The following SFRP1 variants were observed in gnomAD, a reference collection of about 807,000 sequenced individuals.
SFRP1 encodes secreted frizzled related protein 1.
A neutral mutation model predicts 25.9 loss-of-function variants in SFRP1; 9 were observed. The observed-to-expected ratio is 0.35, with a 90% CI of 0.21 to 0.61. SFRP1 has a LOEUF of 0.61. SFRP1 is among the 20% of genes least tolerant of loss of function. The pLI, the probability that SFRP1 is intolerant of heterozygous loss-of-function variation, is 0.78. For missense variants in SFRP1, 346 were observed against 418.2 expected (o/e 0.83, Z 1.51); for synonymous variants, 178 against 174.0 (o/e 1.02, Z -0.18).
intron 2 of SFRP1, among the ~76,000 whole-genome samples, chr8:41,294,188 G>C (rs1803812412): frequency 6.6e-6 from 1 of 152,150 alleles, no homozygotes; most frequent in Non-Finnish European, 1.5e-5. Context: ...CCACAGGAGG[G>C]AATGCGCTCT....
intron 2 of SFRP1, among the ~76,000 whole-genome samples, chr8:41,290,434 T>C (rs1336180642): frequency 6.6e-6 from 1 of 152,216 alleles, no homozygotes; most frequent in Non-Finnish European, 1.5e-5. Flanking sequence ...CTGCTGCCCC[T>C]GGTCAATAAC....
chr8:41,301,870 G>GC (rs1169440260), intron 2 of SFRP1, among the ~76,000 whole-genome samples: 1 of 152,186 alleles, frequency 6.6e-6, no homozygotes, highest in East Asian at 1.9e-4. Context: ...GGCTGATTTG[G>GC]CAGGTGCCTG....
chr8:41,280,174 T>C (rs745383715), intron 2 of SFRP1, among the ~76,000 whole-genome samples: 70 of 152,288 alleles, frequency 4.6e-4, no homozygotes, highest in African/African-American at 1.6e-3. Context: ...ACGGAGCTCA[T>C]ACAGTTTTCC....
intron 2 of SFRP1, among the ~76,000 whole-genome samples, chr8:41,289,789 C>T (rs1417704579): frequency 6.6e-6 from 1 of 152,230 alleles, no homozygotes; most frequent in Non-Finnish European, 1.5e-5. Flanking sequence ...CCCAAACTTA[C>T]AAAGATGGCA....
chr8:41,289,124 A>G (rs555682123), intron 2 of SFRP1, among the ~76,000 whole-genome samples: 2 of 152,252 alleles, frequency 1.3e-5, no homozygotes, highest in East Asian at 1.9e-4. Flanking sequence ...TCTCTTCCCC[A>G]TGCACCCAAG....
intron 2 of SFRP1, among the ~76,000 whole-genome samples, chr8:41,284,344 T>G (rs1803671540): frequency 1.3e-5 from 2 of 151,514 alleles, no homozygotes; most frequent in Non-Finnish European, 3.0e-5. Flanking sequence ...CCGGCCAACA[T>G]TGCTGGAGGG....
At chr8:41,272,465 C>G (rs993518379) in intron 2 of SFRP1, among the ~76,000 whole-genome samples, 1 of 152,136 alleles carries the variant, frequency 6.6e-6, no homozygotes, top group African/African-American at 2.4e-5. Flanking sequence ...CAAAAATTAG[C>G]CTGTGTGGTG....
At chr8:41,289,274 A>C (rs1803746558) in intron 2 of SFRP1, among the ~76,000 whole-genome samples, 1 of 152,216 alleles carries the variant, frequency 6.6e-6, no homozygotes, top group Non-Finnish European at 1.5e-5. Context: ...CTCACAGATC[A>C]CCTATGGTGA....
In SFRP1 at chr8:41,264,317, T is replaced by C. The variant is rs1803408424; in HGVS notation, c.*850A>G. On this transcript the variant is annotated 3_prime_UTR_variant, in exon 3 of 3. Transcript: ENST00000220772. ...TTGCTGGACTGTTCTAAAATTTTTT[T>C]CATTTGTTTCTTTTTTAACTATGTG... 6.6e-6 allele frequency: 1 copy of C among 152,240 alleles called. No homozygotes were observed. Among genetic ancestry groups the C allele is most frequent in the Admixed American group, 6.5e-5 (1 of 15,286 alleles). 9.4% of individuals were successfully genotyped at this position (152,240 alleles called of 1,614,324 possible).
At chr8:41,305,324 G>A (rs964489028) in intron 1 of SFRP1, among the ~76,000 whole-genome samples, 2 of 152,188 alleles carry the variant, frequency 1.3e-5, no homozygotes, top group Non-Finnish European at 2.9e-5. Flanking sequence ...CTTGAAGTTC[G>A]CCTGAACCAA....
At chr8:41,292,119 CTCAGGTGTGCAGG>C (rs1387971025) in intron 2 of SFRP1, among the ~76,000 whole-genome samples, 3 of 152,242 alleles carry the variant, frequency 2.0e-5, no homozygotes, top group African/African-American at 7.2e-5. Context: ...CACTCCTGGA[CTCAGGTGTGCAGG>C]TAAGAGCTAT....
intron 2 of SFRP1, among the ~76,000 whole-genome samples, chr8:41,281,207 C>A (rs1585510817): frequency 6.6e-6 from 1 of 152,210 alleles, no homozygotes; most frequent in Non-Finnish European, 1.5e-5. Flanking sequence ...CTCTCCTGCA[C>A]CTCCTCCCCA....
chr8:41,299,419 C>T (rs1469969080), intron 2 of SFRP1, among the ~76,000 whole-genome samples: 2 of 148,952 alleles, frequency 1.3e-5, no homozygotes, highest in African/African-American at 5.0e-5. Flanking sequence ...TGCTCAGTCA[C>T]CCAAAACAGG....
intron 2 of SFRP1, among the ~76,000 whole-genome samples, chr8:41,296,504 T>C (rs1031522145): frequency 1.4e-5 from 2 of 138,374 alleles, no homozygotes; most frequent in Non-Finnish European, 3.0e-5. Flanking sequence ...TTTGTTCTTC[T>C]GGAAAAAAAA....
chr8:41,279,881 C>G (rs1178839042), intron 2 of SFRP1, among the ~76,000 whole-genome samples: 1 of 152,152 alleles, frequency 6.6e-6, no homozygotes, highest in Non-Finnish European at 1.5e-5. Flanking sequence ...ATAGTGTCAA[C>G]AAGCACAGTT....
chr8:41,265,004 T>C lies in SFRP1; in HGVS notation c.*163A>G. 3.3e-6 allele frequency: 2 copies of C among 608,172 alleles called. No individual in the cohort carries two copies. Among genetic ancestry groups the C allele is most frequent in the East Asian group, 2.8e-5 (1 of 36,038 alleles). 37.7% of individuals were successfully genotyped at this position (608,172 alleles called of 1,614,324 possible). On this transcript the variant is annotated 3_prime_UTR_variant, in exon 3 of 3. Transcript: ENST00000220772. ...TACCCTGGGGTTTGGAGCGTGGCTA[T>C]GGAGGGAAGGGAGCGGGAATGCTGC...
At position 41,309,274 on chromosome 8, in the gene SFRP1, T is replaced by C. The variant is rs1585525712; in HGVS notation, c.-115A>G. 2 of 1,161,560 alleles carry C rather than the reference T, an allele frequency of 1.7e-6. No homozygotes were observed. The highest frequency in any genetic ancestry group is 2.1e-6 in the Non-Finnish European group (2 of 931,042). The allele number at this position is 1,161,560 out of a possible 1,614,324, so 72.0% of individuals were successfully genotyped here. On this transcript the variant is annotated 5_prime_UTR_variant, in exon 1 of 3. Coordinates refer to ENST00000220772, the MANE Select transcript of SFRP1 (RefSeq NM_003012.5). ...GGGACAAAAGGCGCAGTCCCCAGCG[T>C]TGCCCGGCTCCGCGGCCGCAAGCTG...
chr8:41,302,828 G>A (rs1803941691), intron 2 of SFRP1, among the ~76,000 whole-genome samples: 1 of 151,464 alleles, frequency 6.6e-6, no homozygotes, highest in South Asian at 2.1e-4. Flanking sequence ...TCCTGGAGCT[G>A]CGAGTGCTGG....
chr8:41,309,079 G>C lies in SFRP1; in HGVS notation c.81C>G (p.Ala27=), dbSNP rs377704361. The C allele has an allele frequency of 2.3e-5, 36 of 1,594,196 alleles. No homozygotes were observed. The African/African-American group carries it at 3.6e-4, about 16-fold the overall frequency. The change falls in exon 1 of 3, where the codon GCC becomes GCG. Residue 27 remains alanine (A), a synonymous_variant. Transcript: ENST00000220772. ...AGTCGTACTCGCTGGCCGAGCCCACGGCCAGAAGCGCCGCGCCCAGCGCCA... is the reference window on the plus strand; with the variant it reads ...AGTCGTACTCGCTGGCCGAGCCCACCGCCAGAAGCGCCGCGCCCAGCGCCA... The part of the protein sequence containing the change: ...VLLALGAALL[A]VGSASEYDYV...
Sources: allele counts gnomAD v4.1 joint callset (sites outside exome capture counted in the v4.1 genomes callset), GRCh38; gene constraint gnomAD v4.1.1; transcripts MANE v1.5; gene names NCBI Gene and HGNC (gene_info 2026-07-23, HGNC 2026-07-21).